Variants in NELL1 observed in about 807,000 individuals in gnomAD.
NELL1 encodes the protein neural EGFL like 1.
Under a neutral mutation model 107.4 loss-of-function variants are expected in NELL1, and 76 were observed. The ratio of observed to expected loss-of-function variants is 0.71; its 90% CI spans 0.59 to 0.86. The LOEUF is 0.86. Among genes scored for constraint, NELL1 ranks in the 40% least tolerant of loss-of-function variants. The probability of loss-of-function intolerance (pLI) is 0.00; values close to 1 mark genes in which losing one functional copy is unlikely to be tolerated. For synonymous variants in NELL1, 353 were observed against 341.2 expected (o/e 1.03, Z -0.38); for missense variants, 1,024 against 1,005.5 (o/e 1.02, Z -0.25).
At chr11:20,887,919 A>C (rs1849542379) in intron 5 of NELL1, among the ~76,000 whole-genome samples, 1 of 152,220 alleles carries the variant, frequency 6.6e-6, no homozygotes, top group Admixed American at 6.5e-5. Context: ...AAAAATGCTC[A>C]GTTAGTCCTC....
At chr11:21,108,046 T>C (rs72948189) in intron 12 of NELL1, among the ~76,000 whole-genome samples, 1 of 152,270 alleles carries the variant, frequency 6.6e-6, no homozygotes, top group Non-Finnish European at 1.5e-5. Context: ...AGCAATGAGA[T>C]GAGAGGCACA....
intron 4 of NELL1, among the ~76,000 whole-genome samples, chr11:20,879,692 C>T (rs1849371730): frequency 6.6e-6 from 1 of 152,036 alleles, no homozygotes; most frequent in African/African-American, 2.4e-5. Context: ...TATTTCCAAT[C>T]TTATGTGAGT....
intron 2 of NELL1, among the ~76,000 whole-genome samples, chr11:20,761,589 T>C (rs1285694571): frequency 6.6e-6 from 1 of 152,182 alleles, no homozygotes. Flanking sequence ...AACCCACAAC[T>C]TGGGAAGTTT....
At chr11:20,719,286 A>C (rs1036919858) in intron 2 of NELL1, among the ~76,000 whole-genome samples, 2 of 152,214 alleles carry the variant, frequency 1.3e-5, no homozygotes, top group African/African-American at 2.4e-5. Context: ...GGATCCTGTG[A>C]TGTGTCTTTC....
chr11:20,823,067 G>T (rs1257114750), intron 3 of NELL1, among the ~76,000 whole-genome samples: 1 of 140,676 alleles, frequency 7.1e-6, no homozygotes, highest in South Asian at 2.1e-4. Context: ...AAAATACAAG[G>T]TCTGTATATT....
rs757412632 is a variant in NELL1, at chr11:20,947,404, T to G, written c.1140T>G (p.Leu380=). 15 of 1,613,988 alleles carry G rather than the reference T, an allele frequency of 9.3e-6. No individual in the cohort carries two copies. In the African/African-American group the frequency reaches 1.9e-4, roughly 20 times the overall value. ...ACTGCTCAGAAAAGGATCACATTCT[T>G]CCTGAGAATCAGTGCTGCCGTGTCT... The part of the protein sequence containing the change: ...PLNCSEKDHI[L]PENQCCRVCR... Residue 380 remains leucine (L), a synonymous_variant, in exon 11 of 20, where the codon CTT becomes CTG. Coordinates refer to ENST00000357134, the MANE Select transcript of NELL1 (RefSeq NM_006157.5).
chr11:20,890,174 CT>C (rs1849589794), intron 5 of NELL1, among the ~76,000 whole-genome samples: 1 of 152,124 alleles, frequency 6.6e-6, no homozygotes, highest in African/African-American at 2.4e-5. Flanking sequence ...GTTCTCCAGC[CT>C]CCTTAAGTGA....
chr11:21,243,229 A>T (rs900132215), intron 14 of NELL1, among the ~76,000 whole-genome samples: 3 of 152,162 alleles, frequency 2.0e-5, no homozygotes, highest in East Asian at 1.9e-4. Flanking sequence ...TAATGAACGA[A>T]TCTAAGGTAT....
At chr11:21,050,574 C>A (rs1853468185) in intron 12 of NELL1, among the ~76,000 whole-genome samples, 1 of 152,108 alleles carries the variant, frequency 6.6e-6, no homozygotes, top group African/African-American at 2.4e-5. Context: ...AATATTCAGA[C>A]CCATATCCTG....
chr11:20,797,289 G>C (rs989973805), intron 3 of NELL1, among the ~76,000 whole-genome samples: 17 of 151,760 alleles, frequency 1.1e-4, no homozygotes, highest in African/African-American at 3.4e-4. Context: ...TGCTGGCCGG[G>C]CGCGGTGGCT....
intron 16 of NELL1, among the ~76,000 whole-genome samples, chr11:21,544,219 G>GT (rs1856371515): frequency 6.6e-6 from 1 of 151,928 alleles, no homozygotes; most frequent in Non-Finnish European, 1.5e-5. Context: ...CACAAGTATT[G>GT]GGATGTTATT....
chr11:21,521,673 T>C lies in NELL1; in HGVS notation c.1646-12701T>C, dbSNP rs557432689. 5.6e-4 allele frequency among the ~76,000 whole-genome samples: 86 copies of C among 152,290 alleles called. 1 individual carries two copies. The highest frequency in any genetic ancestry group is 1.9e-3 in the African/African-American group (81 of 41,566). On this transcript the variant is annotated intron_variant, in intron 15 of 19. Coordinates refer to ENST00000357134, the MANE Select transcript of NELL1 (RefSeq NM_006157.5). ...ATTGCTGGATCAAATTGTAGTTTTATTTTTAGTTCTAGTGTTTTTCATAGA... is the reference window on the plus strand; with the variant it reads ...ATTGCTGGATCAAATTGTAGTTTTACTTTTAGTTCTAGTGTTTTTCATAGA...
chr11:20,984,900 T>A (rs1223760119), intron 12 of NELL1, among the ~76,000 whole-genome samples: 1 of 152,186 alleles, frequency 6.6e-6, no homozygotes, highest in African/African-American at 2.4e-5. Flanking sequence ...TGGACCCTCT[T>A]TGATTTAAAC....
intron 14 of NELL1, among the ~76,000 whole-genome samples, chr11:21,267,027 A>T (rs1255471788): frequency 6.6e-6 from 1 of 152,034 alleles, no homozygotes; most frequent in African/African-American, 2.4e-5. Context: ...TGTGTCATTA[A>T]GAGTTATAAC....
At chr11:20,994,058 A>G (rs752113302) in intron 12 of NELL1, among the ~76,000 whole-genome samples, 1 of 152,230 alleles carries the variant, frequency 6.6e-6, no homozygotes, top group Non-Finnish European at 1.5e-5. Context: ...TTACAAAATA[A>G]TGTTCTAGCT....
chr11:20,739,546 T>C (rs1353699896), intron 2 of NELL1, among the ~76,000 whole-genome samples: 1 of 152,218 alleles, frequency 6.6e-6, no homozygotes, highest in African/African-American at 2.4e-5. Flanking sequence ...AGCTGTGGCA[T>C]GGTAAAAGCA....
At chr11:21,445,360 C>A (rs910005755) in intron 15 of NELL1, among the ~76,000 whole-genome samples, 1 of 133,450 alleles carries the variant, frequency 7.5e-6, no homozygotes, top group Non-Finnish European at 1.8e-5. Flanking sequence ...GAATTTCGCT[C>A]TTGCTGCCCA....
At chr11:21,349,092 C>T (rs992451988) in intron 14 of NELL1, among the ~76,000 whole-genome samples, 9 of 151,970 alleles carry the variant, frequency 5.9e-5, no homozygotes, top group African/African-American at 2.2e-4. Context: ...AACCATGTGC[C>T]TGGGTAGAAT....
At chr11:20,718,462 AT>A (rs1247654136) in intron 2 of NELL1, among the ~76,000 whole-genome samples, 19,588 of 64,626 alleles carry the variant, frequency 0.3, 2,996 homozygotes, top group African/African-American at 0.45. Context: ...TTATTTATTC[AT>A]TTTTTTTTTT....
Sources: gnomAD v4.1 joint callset for allele counts (sites outside exome capture counted in the v4.1 genomes callset) on GRCh38, gnomAD v4.1.1 for gene constraint, MANE v1.5 for transcripts, NCBI Gene and HGNC (gene_info 2026-07-23, HGNC 2026-07-21) for gene names.